Variants in CHODL observed in about 807,000 individuals in gnomAD.
CHODL encodes transmembrane protein MT75.
A neutral mutation model predicts 34.5 loss-of-function variants in CHODL; 29 were observed. That is an observed-to-expected ratio of 0.84 (90% CI 0.63 to 1.15). The LOEUF is 1.15. Among genes scored for constraint, CHODL ranks in the 50% most tolerant of loss-of-function variants. The pLI, the probability that CHODL is intolerant of heterozygous loss-of-function variation, is 0.00. For synonymous variants in CHODL, 125 were observed against 116.1 expected (o/e 1.08, Z -0.49); for missense variants, 332 against 332.5 (o/e 1.00, Z 0.01).
intron 2 of CHODL, among the ~76,000 whole-genome samples, chr21:18,173,281 A>C (rs539134667): frequency 7.2e-5 from 11 of 152,220 alleles, no homozygotes; most frequent in African/African-American, 2.6e-4. Flanking sequence ...CACCTTTGTC[A>C]TATTCATTTT....
chr21:18,193,586 C>G (rs1269205866), intron 2 of CHODL, among the ~76,000 whole-genome samples: 1 of 151,416 alleles, frequency 6.6e-6, no homozygotes, highest in Non-Finnish European at 1.5e-5. Flanking sequence ...ATCCCAGCTA[C>G]TTGAGAGGCT....
intron 2 of CHODL, among the ~76,000 whole-genome samples, chr21:18,185,921 A>T (rs572263379): frequency 6.6e-6 from 1 of 152,264 alleles, no homozygotes; most frequent in South Asian, 2.1e-4. Context: ...CTAATGACTT[A>T]ATCATCTCCC....
chr21:17,933,730 C>T (rs1375385151), intron 1 of CHODL, among the ~76,000 whole-genome samples: 1 of 152,038 alleles, frequency 6.6e-6, no homozygotes, highest in Non-Finnish European at 1.5e-5. Context: ...AAACAACAGG[C>T]CCACAAGAAC....
chr21:18,093,803 G>A (rs2065104181), intron 2 of CHODL, among the ~76,000 whole-genome samples: 1 of 151,860 alleles, frequency 6.6e-6, no homozygotes, highest in Admixed American at 6.6e-5. Context: ...CTAAAAGACA[G>A]GAAGGAAGGA....
chr21:18,245,290 C>A lies in CHODL; in HGVS notation c.67C>A (p.Arg23Ser), dbSNP rs1472883684. ...LLCGHGAFCR[R>S]VVSGQKVCFA... ...CTGCGGCCACGGAGCCTTCTGCCGC[C>A]GCGTGGTCAGCGGTGAGTCAGGGGC... The change falls in exon 1 of 6, where the codon CGC becomes AGC. Residue 23 changes from arginine to serine, a missense_variant. Coordinates refer to ENST00000299295, the MANE Select transcript of CHODL (RefSeq NM_024944.3). 2 of 1,524,692 alleles carry A rather than the reference C, an allele frequency of 1.3e-6. No individual in the cohort carries two copies. Among genetic ancestry groups the A allele is most frequent in the South Asian group, 2.4e-5 (2 of 83,238 alleles). 94.4% of individuals were successfully genotyped at this position (1,524,692 alleles called of 1,614,324 possible).
At chr21:18,110,564 ATACC>A (rs2065335756) in intron 2 of CHODL, among the ~76,000 whole-genome samples, 2 of 137,310 alleles carry the variant, frequency 1.5e-5, no homozygotes, top group East Asian at 2.8e-4. Context: ...CCTACAGCTG[ATACC>A]TGCCAACACC....
At chr21:17,934,786 A>G (rs925184765) in intron 1 of CHODL, among the ~76,000 whole-genome samples, 2 of 152,102 alleles carry the variant, frequency 1.3e-5, no homozygotes, top group African/African-American at 2.4e-5. Flanking sequence ...TTATGTGCAT[A>G]TGTTTTGTTT....
chr21:17,964,519 G>T (rs1242760762), intron 1 of CHODL, among the ~76,000 whole-genome samples: 2 of 152,234 alleles, frequency 1.3e-5, no homozygotes, highest in East Asian at 3.8e-4. Context: ...TTCAGAGTAA[G>T]TGGGTATATA....
intron 1 of CHODL, among the ~76,000 whole-genome samples, chr21:17,937,422 G>C (rs2063327643): frequency 6.6e-6 from 1 of 152,168 alleles, no homozygotes; most frequent in Non-Finnish European, 1.5e-5. Context: ...CAGTGTCCTG[G>C]GAACAGGCAG....
At chr21:18,010,175 T>C (rs1427308493) in intron 1 of CHODL, among the ~76,000 whole-genome samples, 1 of 138,238 alleles carries the variant, frequency 7.2e-6, no homozygotes, top group Non-Finnish European at 1.5e-5. Flanking sequence ...GCGGGCCCTG[T>C]AGTCCCAGCT....
chr21:17,921,733 G>A (rs935042591), intron 1 of CHODL, among the ~76,000 whole-genome samples: 4 of 152,192 alleles, frequency 2.6e-5, no homozygotes, highest in Non-Finnish European at 4.4e-5. Context: ...GCAGCAGGGA[G>A]GGCAATGTGT....
chr21:18,034,058 C>G (rs2064280014), intron 2 of CHODL, among the ~76,000 whole-genome samples: 1 of 151,938 alleles, frequency 6.6e-6, no homozygotes, highest in Admixed American at 6.6e-5. Context: ...GTGGCCCATC[C>G]AAACAATGAC....
intron 2 of CHODL, among the ~76,000 whole-genome samples, chr21:18,091,957 C>A (rs758342396): frequency 1.3e-5 from 2 of 151,998 alleles, no homozygotes; most frequent in Non-Finnish European, 2.9e-5. Context: ...TGGTAAATTG[C>A]GGATATTTTT....
At chr21:17,946,061 TA>T (rs149274678) in intron 1 of CHODL, among the ~76,000 whole-genome samples, 14 of 148,714 alleles carry the variant, frequency 9.4e-5, no homozygotes, top group East Asian at 3.9e-4. Flanking sequence ...AAGTTCATCT[TA>T]AAAAAAAAAC....
At chr21:17,994,152 G>A (rs112020561) in intron 1 of CHODL, among the ~76,000 whole-genome samples, 3 of 832 alleles carry the variant, frequency 3.6e-3, no homozygotes, top group African/African-American at 0.014. Context: ...CTAATTTTGG[G>A]TTTTGTTCTT....
At chr21:17,963,072 AAAAT>A (rs200018533) in intron 1 of CHODL, among the ~76,000 whole-genome samples, 48,802 of 117,100 alleles carry the variant, frequency 0.42, 8,539 homozygotes, top group East Asian at 0.64. Flanking sequence ...TCAAAAAAAA[AAAAT>A]AATAATAATA....
intron 1 of CHODL, among the ~76,000 whole-genome samples, chr21:18,025,165 T>A (rs1029219615): frequency 5.9e-5 from 9 of 152,140 alleles, no homozygotes; most frequent in Non-Finnish European, 1.2e-4. Flanking sequence ...GCAATAAATT[T>A]AAAAAAACCA....
intron 2 of CHODL, among the ~76,000 whole-genome samples, chr21:18,174,525 C>T (rs2073283012): frequency 6.6e-6 from 1 of 152,022 alleles, no homozygotes; most frequent in African/African-American, 2.4e-5. Flanking sequence ...AGTTTATAAG[C>T]TTTTCTTAAT....
intron 2 of CHODL, among the ~76,000 whole-genome samples, chr21:18,155,422 T>C (rs1327009845): frequency 6.6e-6 from 1 of 152,112 alleles, no homozygotes; most frequent in African/African-American, 2.4e-5. Flanking sequence ...AATTACCCTC[T>C]GGAGAGAAGG....
Sources: gnomAD v4.1 joint callset for allele counts (sites outside exome capture counted in the v4.1 genomes callset) on GRCh38, gnomAD v4.1.1 for gene constraint, MANE v1.5 for transcripts, NCBI Gene and HGNC (gene_info 2026-07-23, HGNC 2026-07-21) for gene names.